The following NALF1 variants were observed in gnomAD, a reference collection of about 807,000 sequenced individuals.
The protein encoded by NALF1 is family with sequence similarity 155 member A.
NALF1 carries 3 observed loss-of-function variants against 48.4 expected under a neutral mutation model. The observed-to-expected ratio is 0.06, with a 90% CI of 0.03 to 0.16. The LOEUF (loss-of-function observed/expected upper bound fraction) is 0.16, where lower values mean the gene tolerates loss of function less well. NALF1 is among the 10% of genes least tolerant of loss of function. NALF1 has a pLI of 1.00. For missense variants in NALF1, 526 were observed against 571.5 expected (o/e 0.92, Z 0.81); for synonymous variants, 262 against 245.7 (o/e 1.07, Z -0.62).
chr13:107,204,933 A>G (rs959616058), intron 2 of NALF1, among the ~76,000 whole-genome samples: 2 of 152,138 alleles, frequency 1.3e-5, no homozygotes, highest in South Asian at 4.1e-4. Flanking sequence ...AACGGCATAA[A>G]TGTTCAAATT....
chr13:107,238,536 A>G (rs931230423), intron 1 of NALF1, among the ~76,000 whole-genome samples: 1 of 152,150 alleles, frequency 6.6e-6, no homozygotes, highest in African/African-American at 2.4e-5. Flanking sequence ...CATTTAATCG[A>G]AGGTAAAAAT....
intron 1 of NALF1, among the ~76,000 whole-genome samples, chr13:107,481,299 C>T (rs1278399241): frequency 6.6e-6 from 1 of 152,118 alleles, no homozygotes; most frequent in Non-Finnish European, 1.5e-5. Flanking sequence ...CTGCCCATCC[C>T]TAAAATGCCG....
chr13:107,431,752 A>C (rs1884385622), intron 1 of NALF1, among the ~76,000 whole-genome samples: 1 of 152,134 alleles, frequency 6.6e-6, no homozygotes, highest in Admixed American at 6.5e-5. Flanking sequence ...TCTTCTGTCT[A>C]CCAGACTTTC....
intron 1 of NALF1, among the ~76,000 whole-genome samples, chr13:107,749,613 A>G (rs1435416224): frequency 6.6e-6 from 1 of 151,964 alleles, no homozygotes; most frequent in African/African-American, 2.4e-5. Flanking sequence ...AATATACTAT[A>G]TACTATTTTA....
At chr13:107,711,009 G>C (rs542676445) in intron 1 of NALF1, among the ~76,000 whole-genome samples, 2 of 152,034 alleles carry the variant, frequency 1.3e-5, no homozygotes, top group East Asian at 3.9e-4. Context: ...CTAGGTGTTA[G>C]CAATCATTTT....
In NALF1 at chr13:107,660,164, G is replaced by T. The variant is rs367848343; in HGVS notation, c.915+205518C>A. On this transcript the variant is annotated intron_variant, in intron 1 of 2. Transcript: ENST00000375915. ...GTGATTTATAAAAATCTTAGGTTGG[G>T]TGTGGTGGCTCACACTTATAATCCC... 3.4e-4 allele frequency among the ~76,000 whole-genome samples: 52 copies of T among 152,070 alleles called. No homozygotes were observed. The South Asian group carries it at 0.011, about 32-fold the overall frequency.
chr13:107,691,401 C>T (rs1881564327), intron 1 of NALF1, among the ~76,000 whole-genome samples: 1 of 152,200 alleles, frequency 6.6e-6, no homozygotes, highest in African/African-American at 2.4e-5. Context: ...GATAAAGTAT[C>T]CCAGGACATA....
Position 107,736,215 on chromosome 13 carries a change from ACACACACACGCG to A in NALF1, c.915+129455_915+129466del, listed in dbSNP as rs752678440. 0.023 allele frequency among the ~76,000 whole-genome samples: 165 copies of A among 7,036 alleles called. 1 individual carries two copies. In the South Asian group the frequency reaches 0.36, roughly 15 times the overall value. 4.6% of individuals were successfully genotyped at this position (7,036 alleles called of 152,430 possible). On this transcript the variant is annotated intron_variant, in intron 1 of 2. Transcript: ENST00000375915. ...CACATACACACACACACACACACACACACACACACGCGCGCGTGTACCTAATAAGCTGTATCT... is the reference window on the plus strand; with the variant it reads ...CACATACACACACACACACACACACACGCGTGTACCTAATAAGCTGTATCT...
intron 1 of NALF1, among the ~76,000 whole-genome samples, chr13:107,567,554 C>T (rs1482606120): frequency 6.6e-6 from 1 of 152,192 alleles, no homozygotes; most frequent in African/African-American, 2.4e-5. Context: ...ATATTTTCTA[C>T]AACTAAGGTA....
intron 1 of NALF1, among the ~76,000 whole-genome samples, chr13:107,441,930 C>A (rs1002478633): frequency 1.3e-5 from 2 of 152,098 alleles, no homozygotes. Flanking sequence ...GAGGCTGAGA[C>A]AGAGAAAACA....
chr13:107,230,956 A>G (rs1404845535), intron 1 of NALF1, among the ~76,000 whole-genome samples: 1 of 144,182 alleles, frequency 6.9e-6, no homozygotes, highest in Non-Finnish European at 1.5e-5. Flanking sequence ...GCTACTCAGG[A>G]GGCTGAGGTG....
chr13:107,829,736 G>A (rs2138625692), intron 1 of NALF1, among the ~76,000 whole-genome samples: 1 of 152,216 alleles, frequency 6.6e-6, no homozygotes, highest in Non-Finnish European at 1.5e-5. Context: ...ACGGATGACA[G>A]GTTTACATGG....
intron 1 of NALF1, among the ~76,000 whole-genome samples, chr13:107,703,555 ATG>A (rs1476764363): frequency 2.6e-5 from 4 of 152,014 alleles, no homozygotes; most frequent in African/African-American, 9.7e-5. Flanking sequence ...AGGTTTCACT[ATG>A]TTGGCCAGAC....
At chr13:107,565,299 C>T (rs1336058035) in intron 1 of NALF1, among the ~76,000 whole-genome samples, 1 of 150,274 alleles carries the variant, frequency 6.7e-6, no homozygotes, top group East Asian at 2.0e-4. Context: ...GCCAGAGCGT[C>T]CCTTGAGACC....
At chr13:107,610,458 G>C (rs949011388) in intron 1 of NALF1, among the ~76,000 whole-genome samples, 17 of 151,984 alleles carry the variant, frequency 1.1e-4, no homozygotes, top group African/African-American at 3.6e-4. Context: ...GTAAAAAAAA[G>C]ACAGTATGAT....
At chr13:107,644,486 A>G (rs920314881) in intron 1 of NALF1, among the ~76,000 whole-genome samples, 4 of 151,634 alleles carry the variant, frequency 2.6e-5, no homozygotes, top group African/African-American at 4.8e-5. Context: ...ACTTGAACCC[A>G]TATCTAATTA....
intron 1 of NALF1, among the ~76,000 whole-genome samples, chr13:107,608,851 G>A (rs1879144374): frequency 6.6e-6 from 1 of 152,208 alleles, no homozygotes; most frequent in Non-Finnish European, 1.5e-5. Context: ...TGACTCTGCT[G>A]GAAGGAAGGC....
intron 1 of NALF1, among the ~76,000 whole-genome samples, chr13:107,367,517 G>T (rs1238303752): frequency 6.6e-6 from 1 of 152,152 alleles, no homozygotes; most frequent in Non-Finnish European, 1.5e-5. Flanking sequence ...AGCTGAGAGA[G>T]AACTTGGAGA....
At chr13:107,264,156 T>G (rs995252799) in intron 1 of NALF1, among the ~76,000 whole-genome samples, 2 of 152,250 alleles carry the variant, frequency 1.3e-5, no homozygotes, top group African/African-American at 4.8e-5. Context: ...ATTTTTATTT[T>G]CCATTATGAC....
Sources: gnomAD v4.1 joint callset for allele counts (sites outside exome capture counted in the v4.1 genomes callset) on GRCh38, gnomAD v4.1.1 for gene constraint, MANE v1.5 for transcripts, NCBI Gene and HGNC (gene_info 2026-07-23, HGNC 2026-07-21) for gene names.